The following TAF3 variants were observed in gnomAD, a reference collection of about 807,000 sequenced individuals.
The protein encoded by TAF3 is transcription initiation factor TFIID subunit 3.
TAF3 carries 7 observed loss-of-function variants against 80.6 expected under a neutral mutation model. The observed-to-expected ratio is 0.09, with a 90% CI of 0.05 to 0.16. The LOEUF (loss-of-function observed/expected upper bound fraction) is 0.16. TAF3 is among the 10% of genes least tolerant of loss of function. The pLI, the probability that TAF3 is intolerant of heterozygous loss-of-function variation, is 1.00. For synonymous variants in TAF3, 444 were observed against 446.1 expected, an observed-to-expected ratio of 1.00 and a Z score of 0.06; for missense variants, 921 against 1,140.2, an observed-to-expected ratio of 0.81 and a Z score of 2.77.
At chr10:8,004,088 T>A (rs1588347287) in intron 4 of TAF3, among the ~76,000 whole-genome samples, 2 of 152,290 alleles carry the variant, frequency 1.3e-5, no homozygotes, top group Admixed American at 1.3e-4. Flanking sequence ...TCTTGCTCTG[T>A]CACCCAGGCT....
intron 2 of TAF3, among the ~76,000 whole-genome samples, chr10:7,960,213 A>G (rs2131409594): frequency 6.6e-6 from 1 of 152,336 alleles, no homozygotes; most frequent in South Asian, 2.1e-4. Context: ...CACTTTCAGA[A>G]TACCCTAAAG....
At position 8,015,308 on chromosome 10, in the gene TAF3, T is replaced by C. The variant is rs1832093960; in HGVS notation, c.*557T>C. ...TTTTTAGTACTAACATGTAAAATGTTCAGGCTTTTGTGAAATACCTTATAT... is the reference window on the plus strand; with the variant it reads ...TTTTTAGTACTAACATGTAAAATGTCCAGGCTTTTGTGAAATACCTTATAT... On this transcript the variant is annotated 3_prime_UTR_variant, in exon 7 of 7. Coordinates refer to ENST00000344293, the MANE Select transcript of TAF3 (RefSeq NM_031923.4). The C allele has an allele frequency of 6.6e-6, 1 of 152,268 alleles. No individual in the cohort carries two copies. Among genetic ancestry groups the C allele is most frequent in the African/African-American group, 2.4e-5 (1 of 41,466 alleles). The allele number at this position is 152,268 out of a possible 1,614,324, so 9.4% of individuals were successfully genotyped here.
At chr10:7,986,769 A>G (rs543521542) in intron 4 of TAF3, among the ~76,000 whole-genome samples, 10 of 152,214 alleles carry the variant, frequency 6.6e-5, no homozygotes, top group African/African-American at 2.2e-4. Flanking sequence ...TCCATAACTC[A>G]CCCCAAGCAA....
chr10:7,838,631 C>T (rs1432973992), intron 2 of TAF3, among the ~76,000 whole-genome samples: 1 of 152,184 alleles, frequency 6.6e-6, no homozygotes, highest in Non-Finnish European at 1.5e-5. Flanking sequence ...ATCCACCCAC[C>T]TAGGCCTCTC....
intron 3 of TAF3, chr10:7,975,035 G>A: frequency 4.9e-6 from 1 of 204,500 alleles, no homozygotes; most frequent in South Asian, 6.1e-5. Flanking sequence ...GATTGCCACT[G>A]CACTCCAGCC....
intron 2 of TAF3, among the ~76,000 whole-genome samples, chr10:7,833,284 A>G (rs1030944013): frequency 2.0e-5 from 3 of 152,320 alleles, no homozygotes; most frequent in African/African-American, 7.2e-5. Flanking sequence ...AACTCCACAT[A>G]GTTTTCCATG....
intron 3 of TAF3, among the ~76,000 whole-genome samples, chr10:7,969,063 G>A (rs1831598477): frequency 1.3e-5 from 2 of 152,118 alleles, no homozygotes; most frequent in Admixed American, 6.5e-5. Flanking sequence ...CAATAGTTTA[G>A]GAGGCCAAGG....
chr10:7,828,282 A>C (rs1157013706), intron 2 of TAF3, among the ~76,000 whole-genome samples: 1 of 152,238 alleles, frequency 6.6e-6, no homozygotes, highest in Non-Finnish European at 1.5e-5. Flanking sequence ...TAGTGTTACC[A>C]TCACGTGCTG....
chr10:7,945,912 A>G (rs2131399854), intron 2 of TAF3, among the ~76,000 whole-genome samples: 1 of 152,310 alleles, frequency 6.6e-6, no homozygotes, highest in South Asian at 2.1e-4. Flanking sequence ...TGAATAGAGA[A>G]ACCTTGTCTT....
intron 4 of TAF3, among the ~76,000 whole-genome samples, chr10:7,982,923 C>A (rs567477066): frequency 6.6e-6 from 1 of 152,272 alleles, no homozygotes; most frequent in African/African-American, 2.4e-5. Flanking sequence ...TTAAGCACCT[C>A]TTCATCTCTA....
chr10:7,875,745 C>T (rs1837307054), intron 2 of TAF3, among the ~76,000 whole-genome samples: 1 of 151,926 alleles, frequency 6.6e-6, no homozygotes, highest in African/African-American at 2.4e-5. Flanking sequence ...TGTCTAATTA[C>T]TCAAAAAGGA....
chr10:7,994,053 T>C (rs7074397), intron 4 of TAF3, among the ~76,000 whole-genome samples: 21,983 of 127,622 alleles, frequency 0.17, 2,366 homozygotes, highest in African/African-American at 0.33. Flanking sequence ...CTGCTCCCCC[T>C]ACCCCTTCTT....
chr10:7,855,728 G>A (rs1185874396), intron 2 of TAF3, among the ~76,000 whole-genome samples: 1 of 152,078 alleles, frequency 6.6e-6, no homozygotes, highest in East Asian at 1.9e-4. Flanking sequence ...ATATGAAAGG[G>A]AGCAAAACCA....
intron 2 of TAF3, among the ~76,000 whole-genome samples, chr10:7,939,488 C>T (rs1837956215): frequency 6.6e-6 from 1 of 151,980 alleles, no homozygotes; most frequent in South Asian, 2.1e-4. Context: ...CTTAAACACC[C>T]AGTAACTACC....
intron 2 of TAF3, among the ~76,000 whole-genome samples, chr10:7,925,546 G>A (rs1837805985): frequency 6.6e-6 from 1 of 152,194 alleles, no homozygotes; most frequent in African/African-American, 2.4e-5. Context: ...GCTCATGCCT[G>A]TAATCCCAGC....
intron 2 of TAF3, among the ~76,000 whole-genome samples, chr10:7,899,109 A>G (rs1490619222): frequency 3.3e-5 from 5 of 152,102 alleles, no homozygotes; most frequent in African/African-American, 4.8e-5. Flanking sequence ...CATTTAAGAG[A>G]CTGGCATTAG....
At chr10:7,820,540 C>T (rs139858240) in intron 1 of TAF3, among the ~76,000 whole-genome samples, 1,774 of 152,274 alleles carry the variant, frequency 0.012, 28 homozygotes, top group African/African-American at 0.039. Flanking sequence ...TGTCGCCGAG[C>T]GTGGAGTGCA....
intron 4 of TAF3, among the ~76,000 whole-genome samples, chr10:7,998,021 T>C (rs1206209869): frequency 6.6e-6 from 1 of 151,980 alleles, no homozygotes; most frequent in African/African-American, 2.4e-5. Context: ...TAAAACTGTT[T>C]TCGGTCATCA....
intron 2 of TAF3, among the ~76,000 whole-genome samples, chr10:7,839,746 T>C (rs1372421813): frequency 2.0e-5 from 3 of 152,248 alleles, no homozygotes; most frequent in Non-Finnish European, 2.9e-5. Context: ...CAGGTTACTT[T>C]TTCTGCTTAT....
Sources: gnomAD v4.1 joint callset for allele counts (sites outside exome capture counted in the v4.1 genomes callset) on GRCh38, gnomAD v4.1.1 for gene constraint, MANE v1.5 for transcripts, NCBI Gene and HGNC (gene_info 2026-07-23, HGNC 2026-07-21) for gene names.